The following WWOX variants were observed in gnomAD, a reference collection of about 807,000 sequenced individuals.
The protein encoded by WWOX is WW domain-containing oxidoreductase.
In WWOX, 69 loss-of-function variants were observed where a neutral mutation model predicts 46.2. The ratio of observed to expected loss-of-function variants is 1.49; its 90% CI spans 1.23 to 1.82. WWOX has a LOEUF of 1.82. WWOX is among the 40% of genes most tolerant of loss of function. The pLI, the probability that WWOX is intolerant of heterozygous loss-of-function variation, is 0.00. For synonymous variants in WWOX, 359 were observed against 202.6 expected (o/e 1.77, Z -6.56); for missense variants, 919 against 542.6 (o/e 1.69, Z -6.89).
intron 8 of WWOX, among the ~76,000 whole-genome samples, chr16:78,794,004 G>C (rs1356401312): frequency 6.6e-6 from 1 of 152,202 alleles, no homozygotes; most frequent in Non-Finnish European, 1.5e-5. Flanking sequence ...TAGTAACACA[G>C]GCTTTGGGTT....
chr16:78,728,785 C>G (rs1348618359), intron 8 of WWOX, among the ~76,000 whole-genome samples: 1 of 152,118 alleles, frequency 6.6e-6, no homozygotes, highest in Non-Finnish European at 1.5e-5. Flanking sequence ...GACATTGTGT[C>G]CTTGTCTACA....
chr16:78,652,655 A>G (rs1008264489), intron 8 of WWOX, among the ~76,000 whole-genome samples: 6 of 152,164 alleles, frequency 3.9e-5, no homozygotes, highest in Non-Finnish European at 7.3e-5. Context: ...TCGACCACCC[A>G]TGACTCTGGA....
intron 6 of WWOX, among the ~76,000 whole-genome samples, chr16:78,408,851 C>G (rs934110401): frequency 6.6e-5 from 10 of 152,068 alleles, no homozygotes; most frequent in Admixed American, 1.3e-4. Flanking sequence ...TTCTGTGAGC[C>G]CCATCTCAGT....
chr16:78,952,761 C>T (rs1294569260), intron 8 of WWOX, among the ~76,000 whole-genome samples: 2 of 152,096 alleles, frequency 1.3e-5, no homozygotes, highest in Non-Finnish European at 2.9e-5. Context: ...TGTTTCGGTT[C>T]CCCAACGTAT....
At chr16:79,074,377 C>T (rs564501890) in intron 8 of WWOX, among the ~76,000 whole-genome samples, 6 of 143,526 alleles carry the variant, frequency 4.2e-5, no homozygotes, top group Admixed American at 7.4e-5. Context: ...CACTCAAAGC[C>T]GAATCTCATC....
intron 8 of WWOX, among the ~76,000 whole-genome samples, chr16:79,070,498 G>A (rs1368656665): frequency 6.6e-6 from 1 of 152,168 alleles, no homozygotes; most frequent in African/African-American, 2.4e-5. Context: ...TCATAGTCTG[G>A]AAGGGTGGAG....
intron 5 of WWOX, among the ~76,000 whole-genome samples, chr16:78,184,901 G>C (rs62033986): frequency 0.15 from 22,297 of 152,210 alleles, 1,986 homozygotes; most frequent in Non-Finnish European, 0.2. Flanking sequence ...TCTGGGGCTT[G>C]AAACAACAAA....
At chr16:78,673,839 G>A (rs1285142471) in intron 8 of WWOX, among the ~76,000 whole-genome samples, 1 of 151,982 alleles carries the variant, frequency 6.6e-6, no homozygotes, top group Admixed American at 6.6e-5. Context: ...GTATCCTCCC[G>A]CAGAGGTTTG....
intron 4 of WWOX, among the ~76,000 whole-genome samples, chr16:78,147,914 A>G (rs934451177): frequency 1.3e-5 from 2 of 151,690 alleles, no homozygotes; most frequent in South Asian, 2.1e-4. Context: ...CCTTTTGGTC[A>G]TTAAGAAAGT....
At chr16:79,009,977 A>T (rs1357417245) in intron 8 of WWOX, among the ~76,000 whole-genome samples, 1 of 152,180 alleles carries the variant, frequency 6.6e-6, no homozygotes, top group East Asian at 1.9e-4. Flanking sequence ...ACCTTCTCTG[A>T]ACCTCAGTAT....
intron 8 of WWOX, among the ~76,000 whole-genome samples, chr16:78,855,177 G>C (rs1207639523): frequency 6.6e-6 from 1 of 152,124 alleles, no homozygotes; most frequent in Non-Finnish European, 1.5e-5. Context: ...AGAAGAGTTT[G>C]AAAAATAGAT....
intron 8 of WWOX, among the ~76,000 whole-genome samples, chr16:78,595,398 C>T (rs927954170): frequency 4.1e-5 from 2 of 48,860 alleles, no homozygotes; most frequent in Non-Finnish European, 1.7e-4. Flanking sequence ...CCACAAGACT[C>T]CTGCCTCCCT....
chr16:78,991,288 G>C (rs541923323), intron 8 of WWOX, among the ~76,000 whole-genome samples: 38 of 152,214 alleles, frequency 2.5e-4, no homozygotes, highest in Non-Finnish European at 4.9e-4. Context: ...TTGGAATTTG[G>C]AGTCCATGTT....
intron 4 of WWOX, chr16:78,123,538 A>T (rs1227798952): frequency 7.2e-6 from 1 of 138,052 alleles, no homozygotes; most frequent in Non-Finnish European, 1.5e-5. Flanking sequence ...GCTCACTGCA[A>T]CCTTCGCCTC....
intron 8 of WWOX, among the ~76,000 whole-genome samples, chr16:79,192,179 C>T (rs1209007806): frequency 6.6e-6 from 1 of 152,216 alleles, no homozygotes; most frequent in Non-Finnish European, 1.5e-5. Context: ...CCTGCCAGCT[C>T]TAATAGGGAA....
At chr16:78,799,592 A>C (rs1219238350) in intron 8 of WWOX, among the ~76,000 whole-genome samples, 2 of 143,706 alleles carry the variant, frequency 1.4e-5, no homozygotes, top group Admixed American at 1.4e-4. Flanking sequence ...TCAGAAGCCG[A>C]GGGACTTGGC....
At chr16:78,244,213 A>C (rs2081469191) in intron 5 of WWOX, among the ~76,000 whole-genome samples, 1 of 152,226 alleles carries the variant, frequency 6.6e-6, no homozygotes. Context: ...GATGGGGGTT[A>C]AATAAAATAA....
chr16:78,351,811 C>T (rs866570447), intron 5 of WWOX, among the ~76,000 whole-genome samples: 4 of 152,262 alleles, frequency 2.6e-5, no homozygotes, highest in Admixed American at 2.0e-4. Context: ...CGTGTATCAC[C>T]AGGCCCAGCT....
intron 8 of WWOX, among the ~76,000 whole-genome samples, chr16:78,548,447 C>CATCCT (rs2151539190): frequency 6.6e-6 from 1 of 152,202 alleles, no homozygotes; most frequent in Admixed American, 6.5e-5. Flanking sequence ...AATCTAAAGA[C>CATCCT]ATCCTATCCC....
Sources: allele counts gnomAD v4.1 joint callset (sites outside exome capture counted in the v4.1 genomes callset), GRCh38; gene constraint gnomAD v4.1.1; transcripts MANE v1.5; gene names NCBI Gene and HGNC (gene_info 2026-07-23, HGNC 2026-07-21).